Variants in PTPRA observed in about 807,000 individuals in gnomAD.
PTPRA encodes the protein protein tyrosine phosphatase receptor type A, also known as receptor-type tyrosine-protein phosphatase alpha.
PTPRA carries 25 observed loss-of-function variants against 104.8 expected under a neutral mutation model. That is an observed-to-expected ratio of 0.24 (90% CI 0.17 to 0.33). The LOEUF (loss-of-function observed/expected upper bound fraction) is 0.33. Ranked by LOEUF, PTPRA falls within the 10% of genes least tolerant of loss-of-function variation. The pLI is 1.00. For synonymous variants in PTPRA, 323 were observed against 368.9 expected (o/e 0.88, Z 1.43); for missense variants, 765 against 1,015.3 (o/e 0.75, Z 3.35).
In PTPRA at chr20:2,948,678, A is replaced by G. The variant is rs371192605; in HGVS notation, c.-7+654A>G. ...TTAATACTTTAAAAAACCACCAGGCACGGTGGCTCACGCCTGGAATCCCAG... is the reference window on the plus strand; with the variant it reads ...TTAATACTTTAAAAAACCACCAGGCGCGGTGGCTCACGCCTGGAATCCCAG... On this transcript the variant is annotated intron_variant, in intron 3 of 23. Transcript: ENST00000399903. Among the ~76,000 whole-genome samples, 292 of 152,286 alleles carry G rather than the reference A, an allele frequency of 1.9e-3. 2 individuals are homozygous for G. Among genetic ancestry groups the G allele is most frequent in the African/African-American group, 4.2e-3 (174 of 41,568 alleles).
At chr20:2,867,569 C>T in the PTPRA span, among the ~76,000 whole-genome samples, 1 of 150,256 alleles carries the variant, frequency 6.7e-6, no homozygotes, top group Non-Finnish European at 1.5e-5. Context: ...TCTAGCCCTC[C>T]GTTGGCACTC....
At chr20:2,864,489 G>A in the PTPRA span, 7 of 1,614,034 alleles carry the variant, frequency 4.3e-6, no homozygotes, top group Non-Finnish European at 5.9e-6. This position sits in a 1 kb window ranked among gnomAD's most constrained non-coding sequence, Gnocchi z 5.2. Context: ...GGGTTGTGGT[G>A]TAGCCTTCTG....
chr20:2,900,937 C>T (rs2059210357), intron 1 of PTPRA, among the ~76,000 whole-genome samples: 1 of 150,614 alleles, frequency 6.6e-6, no homozygotes, highest in Admixed American at 6.6e-5. Context: ...CCTCCCTAGA[C>T]ATCATTCAGT....
intron 14 of PTPRA, among the ~76,000 whole-genome samples, 179 bp from the exon 15 acceptor site, chr20:3,021,875 A>G (rs1600269503): frequency 6.6e-6 from 1 of 152,292 alleles, no homozygotes; most frequent in Non-Finnish European, 1.5e-5. Context: ...GGAGCACTGC[A>G]TTTTAGTTCT....
At chr20:2,869,192 C>T (rs1375097180), upstream of PTPRA, among the ~76,000 whole-genome samples, 2 of 152,238 alleles carry the variant, frequency 1.3e-5, no homozygotes, top group Non-Finnish European at 2.9e-5. Flanking sequence ...TATCACACAT[C>T]TGTTCATCTA....
chr20:2,978,126 G>C (rs1010566178), intron 6 of PTPRA, among the ~76,000 whole-genome samples: 6 of 152,154 alleles, frequency 3.9e-5, no homozygotes, highest in African/African-American at 1.4e-4. Flanking sequence ...CAACAGAATG[G>C]GTGTGGTGGT....
rs1032355937 is a variant in PTPRA at position 2,986,806 on chromosome 20, C to T, written c.484C>T (p.Leu162=). ...IIAVMVALSS[L]LVIVFIIIVL... The stretch of plus-strand genomic sequence containing the variant: ...TGCGGTGATGGTGGCCCTGTCCTCT[C>T]TGCTAGTGATCGTGTTTATTATCAT... The change falls in exon 7 of 24, where the codon CTG becomes TTG. Residue 162 remains leucine (L), a synonymous_variant. Coordinates refer to ENST00000399903, the MANE Select transcript of PTPRA (RefSeq NM_001385305.1). 2 of 1,613,204 alleles carry T rather than the reference C, an allele frequency of 1.2e-6. No homozygotes were observed. The highest frequency in any genetic ancestry group is 2.7e-5 in the African/African-American group (2 of 74,918).
chr20:2,864,757 A>G, the PTPRA span: 3 of 1,293,718 alleles, frequency 2.3e-6, no homozygotes, highest in Non-Finnish European at 3.3e-6. This position sits in a 1 kb window ranked among gnomAD's most constrained non-coding sequence, Gnocchi z 5.2. Context: ...TGCACACTCC[A>G]TCTGGTCCTC....
At position 2,967,693 on chromosome 20, in the gene PTPRA, T is replaced by A. The variant is rs1449011716; in HGVS notation, c.415+2491T>A. Among the ~76,000 whole-genome samples, 3 of 152,222 alleles carry A rather than the reference T, an allele frequency of 2.0e-5. No homozygotes were observed. In the East Asian group the frequency reaches 5.8e-4, roughly 29 times the overall value. On this transcript the variant is annotated intron_variant, in intron 5 of 23. Coordinates refer to ENST00000399903, the MANE Select transcript of PTPRA (RefSeq NM_001385305.1). ...CTGGGGAACATGGTGAAACCCCATCTCTACAAAAAATACAAAAATTAGCTG... is the reference window on the plus strand; with the variant it reads ...CTGGGGAACATGGTGAAACCCCATCACTACAAAAAATACAAAAATTAGCTG...
At position 2,905,906 on chromosome 20, in the gene PTPRA, G is replaced by A. The variant is rs188257927; in HGVS notation, c.-128-17301G>A. Among the ~76,000 whole-genome samples the A allele has an allele frequency of 2.0e-3, 306 of 151,768 alleles. 1 individual carries two copies. The highest frequency in any genetic ancestry group is 6.6e-3 in the African/African-American group (273 of 41,404). On this transcript the variant is annotated intron_variant, in intron 1 of 23. Coordinates refer to ENST00000399903, the MANE Select transcript of PTPRA (RefSeq NM_001385305.1). ...TCTCCATGTTGGTCAGGCTGGTCTCGAACTCCTGACCTCAGGTGATCCACC... is the reference window on the plus strand; with the variant it reads ...TCTCCATGTTGGTCAGGCTGGTCTCAAACTCCTGACCTCAGGTGATCCACC...
At chr20:2,919,652 C>T (rs2060032340) in intron 1 of PTPRA, among the ~76,000 whole-genome samples, 1 of 103,862 alleles carries the variant, frequency 9.6e-6, no homozygotes, top group Admixed American at 9.4e-5. Context: ...GGATCTTACT[C>T]TCAGCTGGGG....
intron 6 of PTPRA, among the ~76,000 whole-genome samples, chr20:2,983,834 A>C (rs1568681872): frequency 6.6e-6 from 1 of 152,044 alleles, no homozygotes; most frequent in Non-Finnish European, 1.5e-5. Context: ...AACTCAGAAA[A>C]GAGGTCTGAT....
chr20:2,984,715 C>T (rs748600368), intron 6 of PTPRA, among the ~76,000 whole-genome samples: 3 of 152,182 alleles, frequency 2.0e-5, no homozygotes, highest in Admixed American at 6.5e-5. Flanking sequence ...TGGCTTTTGC[C>T]CACCTCTCTG....
At chr20:3,019,277 C>T (rs1407064744) in intron 13 of PTPRA, among the ~76,000 whole-genome samples, 1 of 149,986 alleles carries the variant, frequency 6.7e-6, no homozygotes, top group African/African-American at 2.5e-5. Context: ...CCCTCCCGGA[C>T]GAGGTGGCTG....
At chr20:2,926,657 C>CAA (rs1335362293) in intron 2 of PTPRA, among the ~76,000 whole-genome samples, 1 of 151,782 alleles carries the variant, frequency 6.6e-6, no homozygotes, top group Non-Finnish European at 1.5e-5. Flanking sequence ...CAAAACAAAA[C>CAA]AAACCCATAA....
chr20:3,017,127 T>C (rs2064504139), intron 12 of PTPRA, among the ~76,000 whole-genome samples: 1 of 152,220 alleles, frequency 6.6e-6, no homozygotes, highest in Non-Finnish European at 1.5e-5. Context: ...ACCAGAAGTA[T>C]ATATCTTCTC....
At chr20:2,874,907 C>T (rs1430545002) in intron 1 of PTPRA, among the ~76,000 whole-genome samples, 1 of 152,176 alleles carries the variant, frequency 6.6e-6, no homozygotes, top group African/African-American at 2.4e-5. Flanking sequence ...AGCTGCTTGA[C>T]TGCCCCCTCA....
At chr20:2,867,001 C>T in the PTPRA span, among the ~76,000 whole-genome samples, 1 of 152,224 alleles carries the variant, frequency 6.6e-6, no homozygotes. Flanking sequence ...TGTGTGTGTG[C>T]GTGTAAACAC....
chr20:2,872,305 C>T (rs1217708191), upstream of PTPRA, among the ~76,000 whole-genome samples: 1 of 152,206 alleles, frequency 6.6e-6, no homozygotes, highest in Non-Finnish European at 1.5e-5. The surrounding 1 kb of genome is among the most constrained non-coding windows in gnomAD (Gnocchi z 7.9). Flanking sequence ...AACCCTTCCC[C>T]GGGGGCGCCC....
Sources: allele counts gnomAD v4.1 joint callset (sites outside exome capture counted in the v4.1 genomes callset), GRCh38; gene constraint gnomAD v4.1.1; non-coding constraint Gnocchi (gnomAD v3.1); transcripts MANE v1.5; gene names NCBI Gene and HGNC (gene_info 2026-07-23, HGNC 2026-07-21).